The following DPP10 variants were observed in gnomAD, a reference collection of about 807,000 sequenced individuals.
DPP10 encodes the protein inactive dipeptidyl peptidase 10.
In DPP10, 33 loss-of-function variants were observed where a neutral mutation model predicts 120.9. That is an observed-to-expected ratio of 0.27 (90% CI 0.21 to 0.37). DPP10 has a LOEUF of 0.37. DPP10 is among the 10% of genes least tolerant of loss of function. The pLI, the probability that DPP10 is intolerant of heterozygous loss-of-function variation, is 1.00. For missense variants in DPP10, 816 were observed against 942.8 expected, an observed-to-expected ratio of 0.87 and a Z score of 1.76; for synonymous variants, 337 against 326.1, an observed-to-expected ratio of 1.03 and a Z score of -0.36.
At chr2:114,699,336 C>G (rs966073503) in intron 1 of DPP10, among the ~76,000 whole-genome samples, 3 of 151,842 alleles carry the variant, frequency 2.0e-5, no homozygotes, top group Admixed American at 6.6e-5. Flanking sequence ...GGAGAGATAC[C>G]TAGCACAAGA....
At chr2:115,740,016 C>G in intron 9 of DPP10, 123 bp downstream of exon 9, 1 of 1,061,234 alleles carries the variant, frequency 9.4e-7, no homozygotes, top group Non-Finnish European at 1.4e-6. Context: ...CCTTACTTGT[C>G]AGACTCATCA....
chr2:115,487,045 T>C (rs533208646), intron 3 of DPP10, among the ~76,000 whole-genome samples: 4 of 152,294 alleles, frequency 2.6e-5, no homozygotes, highest in African/African-American at 9.6e-5. Context: ...TATCTAACTT[T>C]ATCTTATTTA....
At chr2:115,778,255 A>T (rs914107538) in intron 15 of DPP10, among the ~76,000 whole-genome samples, 5 of 152,192 alleles carry the variant, frequency 3.3e-5, no homozygotes, top group African/African-American at 1.2e-4. Context: ...CAGTTAGTCT[A>T]GTGTATCAAG....
intron 5 of DPP10, among the ~76,000 whole-genome samples, chr2:115,590,360 C>A (rs1476694910): frequency 1.3e-5 from 2 of 152,080 alleles, no homozygotes; most frequent in Non-Finnish European, 2.9e-5. Context: ...ATGTTCCCCA[C>A]CCTGTGTCCA....
intron 5 of DPP10, among the ~76,000 whole-genome samples, chr2:115,653,581 A>G (rs1184804130): frequency 6.6e-6 from 1 of 151,978 alleles, no homozygotes; most frequent in Admixed American, 6.6e-5. Flanking sequence ...AATATACAAT[A>G]AATTCTATCC....
At chr2:115,564,432 C>T (rs1035053956) in intron 5 of DPP10, among the ~76,000 whole-genome samples, 2 of 151,956 alleles carry the variant, frequency 1.3e-5, no homozygotes, top group Non-Finnish European at 2.9e-5. Flanking sequence ...GAAATAGAGC[C>T]ATGTTGTTTA....
chr2:115,742,009 C>A (rs191089461), intron 9 of DPP10, among the ~76,000 whole-genome samples: 2 of 152,162 alleles, frequency 1.3e-5, no homozygotes, highest in African/African-American at 4.8e-5. Flanking sequence ...TAAAGATAGG[C>A]GTAACATAAT....
intron 3 of DPP10, among the ~76,000 whole-genome samples, chr2:115,452,918 T>C (rs2073227184): frequency 1.3e-5 from 2 of 151,906 alleles, no homozygotes. Flanking sequence ...TCACTTACAT[T>C]TCCCTTATGG....
rs13415224 is a variant in DPP10 at position 114,871,246 on chromosome 2, T to C, written c.60+428408T>C. Reference sequence around the variant, plus strand: ...GAAAAAAATCCATCTTTCTCTATTATTGGGGGAAAGAACACTGAAGAAACA... The same window carrying C: ...GAAAAAAATCCATCTTTCTCTATTACTGGGGGAAAGAACACTGAAGAAACA... On this transcript the variant is annotated intron_variant, in intron 1 of 25. Transcript: ENST00000410059. 4.4e-3 allele frequency among the ~76,000 whole-genome samples: 654 copies of C among 149,794 alleles called. 97 individuals are homozygous for C. The highest frequency in any genetic ancestry group is 0.015 in the African/African-American group (635 of 41,124).
chr2:115,526,270 G>C, intron 5 of DPP10: 1 of 282,574 alleles, frequency 3.5e-6, no homozygotes, highest in Admixed American at 5.1e-5. Context: ...GCTTGTGAAA[G>C]TTTCAAGATA....
intron 5 of DPP10, among the ~76,000 whole-genome samples, chr2:115,577,551 G>A (rs2081752820): frequency 6.6e-6 from 1 of 152,108 alleles, no homozygotes; most frequent in Non-Finnish European, 1.5e-5. Context: ...AGTTATTATT[G>A]CATTAATTTT....
chr2:115,398,505 T>C (rs1485797964), intron 3 of DPP10, among the ~76,000 whole-genome samples: 1 of 152,116 alleles, frequency 6.6e-6, no homozygotes, highest in Non-Finnish European at 1.5e-5. Flanking sequence ...ATATATAGCA[T>C]AAATAACAGA....
chr2:115,103,005 A>C (rs1419959814), intron 1 of DPP10, among the ~76,000 whole-genome samples: 2 of 152,200 alleles, frequency 1.3e-5, no homozygotes, highest in East Asian at 3.9e-4. Flanking sequence ...TTGTTATGTT[A>C]GAAATATTTC....
chr2:115,656,843 A>T (rs1331795661), intron 5 of DPP10, among the ~76,000 whole-genome samples: 1 of 151,732 alleles, frequency 6.6e-6, no homozygotes, highest in East Asian at 1.9e-4. Flanking sequence ...ATAAAATTTG[A>T]GAAGTGCTTC....
intron 1 of DPP10, among the ~76,000 whole-genome samples, chr2:114,844,075 C>G (rs1359854733): frequency 6.6e-6 from 1 of 152,116 alleles, no homozygotes; most frequent in African/African-American, 2.4e-5. Flanking sequence ...ATAGTGAGCA[C>G]TGCTTTGATC....
At chr2:115,677,685 G>C (rs2090367421) in intron 5 of DPP10, among the ~76,000 whole-genome samples, 2 of 152,150 alleles carry the variant, frequency 1.3e-5, no homozygotes, top group Non-Finnish European at 2.9e-5. Flanking sequence ...AGGTTATTGT[G>C]TAATAATAAC....
At chr2:114,671,485 TG>T (rs1698336208) in intron 1 of DPP10, among the ~76,000 whole-genome samples, 1 of 152,174 alleles carries the variant, frequency 6.6e-6, no homozygotes, top group Non-Finnish European at 1.5e-5. Flanking sequence ...CTATGCTTCA[TG>T]TACAACCTGC....
rs397765411 is a variant in DPP10, at chr2:114,795,496, G to GA, written c.60+352671dup. Among the ~76,000 whole-genome samples, 982 of 138,796 alleles carry GA rather than the reference G, an allele frequency of 7.1e-3. 8 individuals are homozygous for GA. Among genetic ancestry groups the GA allele is most frequent in the African/African-American group, 0.021 (784 of 37,692 alleles). The allele number at this position is 138,796 out of a possible 152,430, so 91.1% of individuals were successfully genotyped here. A position where few individuals can be genotyped will look rare whatever the true frequency, so the allele number is the denominator to read the frequency against. ...ACAAGAGTGAAACGTCATCTCTGGG[G>GA]AAAAAAAAAAAAAGGCTAGTGCTCT... On this transcript the variant is annotated intron_variant, in intron 1 of 25. Transcript: ENST00000410059.
At chr2:115,781,149 A>T (rs904655636) in intron 16 of DPP10, among the ~76,000 whole-genome samples, 154 bp downstream of exon 16, 9 of 151,802 alleles carry the variant, frequency 5.9e-5, no homozygotes, top group African/African-American at 2.2e-4. Flanking sequence ...ACTTACTGAG[A>T]TACAATTTTT....
Sources: gnomAD v4.1 joint callset for allele counts (sites outside exome capture counted in the v4.1 genomes callset) on GRCh38, gnomAD v4.1.1 for gene constraint, MANE v1.5 for transcripts, NCBI Gene and HGNC (gene_info 2026-07-23, HGNC 2026-07-21) for gene names.